EGF: variants seen among roughly 807,000 people sequenced by gnomAD.
EGF encodes pro-epidermal growth factor.
EGF carries 95 observed loss-of-function variants against 143.8 expected under a neutral mutation model. The ratio of observed to expected loss-of-function variants is 0.66; its 90% CI spans 0.56 to 0.78. The LOEUF is 0.78. Ranked by LOEUF, EGF falls within the 30% of genes least tolerant of loss-of-function variation. The pLI is 0.00. For missense variants in EGF, 1,320 were observed against 1,470.9 expected, an observed-to-expected ratio of 0.90 and a Z score of 1.68; for synonymous variants, 510 against 510.5, an observed-to-expected ratio of 1.00 and a Z score of 0.01.
chr4:109,977,322 G>C (rs1324967178), intron 13 of EGF: 2 of 152,028 alleles, frequency 1.3e-5, no homozygotes, highest in Non-Finnish European at 1.5e-5. Context: ...CTTAAGATAA[G>C]TATAATTTAA....
intron 2 of EGF, among the ~76,000 whole-genome samples, 179 bp downstream of exon 2, chr4:109,941,324 A>G (rs1458794867): frequency 6.6e-6 from 1 of 152,224 alleles, no homozygotes; most frequent in Non-Finnish European, 1.5e-5. Context: ...AAATTCACAC[A>G]TTGATATTTA....
rs960176821 is a variant in EGF at position 110,013,531 on chromosome 4, C to T, written c.*2076C>T. ...GAGATATCTTCTTCTTGCAACTTCA[C>T]ATCTTTATCAGTAATGTCCTCTTTC... On this transcript the variant is annotated 3_prime_UTR_variant, in exon 24 of 24. Transcript: ENST00000265171. Among the ~76,000 whole-genome samples the T allele has an allele frequency of 2.6e-5, 4 of 152,136 alleles. No homozygotes were observed. Among genetic ancestry groups the T allele is most frequent in the African/African-American group, 9.7e-5 (4 of 41,446 alleles).
chr4:110,006,874 G>A (rs1191987496), intron 22 of EGF, among the ~76,000 whole-genome samples: 1 of 152,172 alleles, frequency 6.6e-6, no homozygotes, highest in Admixed American at 6.5e-5. Context: ...AGAGCTGAAC[G>A]CTCAAACTAG....
At chr4:109,970,281 C>T (rs1747356906) in intron 11 of EGF, among the ~76,000 whole-genome samples, 1 of 152,122 alleles carries the variant, frequency 6.6e-6, no homozygotes, top group Non-Finnish European at 1.5e-5. Context: ...TAACGATAGA[C>T]CCCTCACAAA....
Position 109,964,462 on chromosome 4 carries a change from A to G in EGF, c.1500A>G (p.Gly500=). Residue 500 remains glycine, a synonymous_variant, in exon 10 of 24, where the codon GGA becomes GGG. Transcript: ENST00000265171. ...SQDIRHMHFD[G]TDYGTLLSQQ... ...ATATTCGACACATGCATTTTGATGGAACAGACTATGGAACTCTGCTCAGCC... is the reference window on the plus strand; with the variant it reads ...ATATTCGACACATGCATTTTGATGGGACAGACTATGGAACTCTGCTCAGCC... 3 of 1,613,998 alleles carry G rather than the reference A, an allele frequency of 1.9e-6. No individual in the cohort carries two copies. Among genetic ancestry groups the G allele is most frequent in the Non-Finnish European group, 2.5e-6 (3 of 1,179,878 alleles).
chr4:109,976,749 G>C (rs1229076118), intron 13 of EGF, among the ~76,000 whole-genome samples: 1 of 152,154 alleles, frequency 6.6e-6, no homozygotes, highest in East Asian at 1.9e-4. Context: ...AATAAGCAGT[G>C]GGAAATTTAT....
intron 22 of EGF, among the ~76,000 whole-genome samples, chr4:110,005,872 C>T (rs1228799769): frequency 2.0e-5 from 3 of 152,148 alleles, no homozygotes; most frequent in African/African-American, 7.2e-5. Context: ...TGTTTGGGGT[C>T]CTTCCCACAT....
rs759723051 is a variant in EGF, at chr4:109,944,004, C to A, written c.672C>A (p.Ser224Arg). Residue 224 changes from serine (S) to arginine (R), a missense_variant, in exon 4 of 24, where the codon AGC becomes AGA. Ser to Arg is a moderately radical substitution (Grantham distance 110). Transcript: ENST00000265171. ...GGATTCAGTACAACAGAGAAGGAAG[C>A]AATTCTCTTATTTGCTCCTGTGATT... ...LFWIQYNREG[S>R]NSLICSCDYD... 6.2e-7 allele frequency: 1 copy of A among 1,614,170 alleles called. No homozygotes were observed. Among genetic ancestry groups the A allele is most frequent in the Non-Finnish European group, 8.5e-7 (1 of 1,180,028 alleles).
At chr4:109,934,575 A>G (rs560178074) in intron 1 of EGF, among the ~76,000 whole-genome samples, 47 of 152,052 alleles carry the variant, frequency 3.1e-4, no homozygotes, top group African/African-American at 1.1e-3. Context: ...ATTAGATCCC[A>G]TTTGTCTATT....
chr4:109,979,765 T>TA (rs1749052582), intron 13 of EGF, among the ~76,000 whole-genome samples: 1 of 152,172 alleles, frequency 6.6e-6, no homozygotes, highest in Non-Finnish European at 1.5e-5. Flanking sequence ...CTCATGCCAC[T>TA]ATGCTCCCAT....
chr4:109,964,602 A>G (rs1215412591), intron 10 of EGF, 65 bp downstream of exon 10: 1 of 1,607,536 alleles, frequency 6.2e-7, no homozygotes, highest in Admixed American at 1.7e-5. Flanking sequence ...ATTTTATCCT[A>G]ACAAATGACC....
chr4:109,919,267 T>C (rs112300997), intron 1 of EGF, among the ~76,000 whole-genome samples: 503 of 148,888 alleles, frequency 3.4e-3, no homozygotes, highest in African/African-American at 0.011. Context: ...GTCCCAGGTA[T>C]TAGGAATGCA....
At chr4:109,985,301 G>A (rs2298996) in intron 16 of EGF, among the ~76,000 whole-genome samples, 15,515 of 152,242 alleles carry the variant, frequency 0.1, 1,053 homozygotes, top group East Asian at 0.22. Context: ...AGTCAGGCTT[G>A]GGGGTCTAAT....
At chr4:110,005,199 C>A (rs1753112625) in intron 22 of EGF, among the ~76,000 whole-genome samples, 1 of 151,644 alleles carries the variant, frequency 6.6e-6, no homozygotes, top group South Asian at 2.1e-4. Context: ...GCACACACCG[C>A]CACGCCCAGC....
chr4:109,988,166 C>T (rs1750418994), intron 17 of EGF, among the ~76,000 whole-genome samples: 1 of 149,648 alleles, frequency 6.7e-6, no homozygotes, highest in Admixed American at 6.7e-5. Context: ...AAGTTTATGA[C>T]TTCACCAATT....
rs1252795647 is a variant in EGF, at chr4:110,008,147, T to G, written c.3292-5T>G. On this transcript the variant is annotated splice_region_variant and splice_polypyrimidine_tract_variant and intron_variant, in intron 22 of 23. Coordinates refer to ENST00000265171, the MANE Select transcript of EGF (RefSeq NM_001963.6). ...TCCTCTCTCCCTCCTTTTTGTTGTC[T>G]GCAGTTTGTGGTTATAAAAGAACAC... The G allele has an allele frequency of 6.2e-7, 1 of 1,613,600 alleles. No homozygotes were observed. The highest frequency in any genetic ancestry group is 1.7e-5 in the Admixed American group (1 of 59,970).
At chr4:109,989,709 A>G (rs1345097851) in intron 18 of EGF, among the ~76,000 whole-genome samples, 2 of 152,226 alleles carry the variant, frequency 1.3e-5, no homozygotes, top group African/African-American at 4.8e-5. Context: ...AGCTGATTTC[A>G]TATTTAATTT....
chr4:109,956,354 T>C (rs542326333), intron 5 of EGF, among the ~76,000 whole-genome samples: 46 of 152,320 alleles, frequency 3.0e-4, no homozygotes, highest in African/African-American at 1.1e-3. Flanking sequence ...GAAAGAGTTT[T>C]TATAAGAAGC....
intron 1 of EGF, among the ~76,000 whole-genome samples, chr4:109,926,370 T>TC (rs1199985940): frequency 6.6e-5 from 9 of 135,556 alleles, no homozygotes; most frequent in African/African-American, 2.9e-4. Context: ...TTTTTTTTTT[T>TC]CCGAGACGGA....
Sources: gnomAD v4.1 joint callset for allele counts (sites outside exome capture counted in the v4.1 genomes callset) on GRCh38, gnomAD v4.1.1 for gene constraint, MANE v1.5 for transcripts, NCBI Gene and HGNC (gene_info 2026-07-23, HGNC 2026-07-21) for gene names.